The following TEAD1 variants were observed in gnomAD, a reference collection of about 807,000 sequenced individuals.
TEAD1 encodes TEA domain transcription factor 1.
Under a neutral mutation model 54.9 loss-of-function variants are expected in TEAD1, and 9 were observed. The ratio of observed to expected loss-of-function variants is 0.16; its 90% CI spans 0.10 to 0.29. The LOEUF is 0.29. TEAD1 is among the 10% of genes least tolerant of loss of function. TEAD1 has a pLI of 1.00. For missense variants in TEAD1, 387 were observed against 535.9 expected, an observed-to-expected ratio of 0.72 and a Z score of 2.74; for synonymous variants, 200 against 187.8, an observed-to-expected ratio of 1.07 and a Z score of -0.53.
intron 11 of TEAD1, among the ~76,000 whole-genome samples, chr11:12,928,146 C>T (rs1031432633): frequency 3.3e-5 from 5 of 152,184 alleles, no homozygotes; most frequent in Admixed American, 2.0e-4. Context: ...TACATTTCCT[C>T]AATGTGTATG....
intron 2 of TEAD1, among the ~76,000 whole-genome samples, chr11:12,731,723 T>C (rs1367372921): frequency 6.6e-6 from 1 of 152,238 alleles, no homozygotes; most frequent in Non-Finnish European, 1.5e-5. Flanking sequence ...CGAGGTAAAC[T>C]GTTTCCATTA....
intron 12 of TEAD1, among the ~76,000 whole-genome samples, chr11:12,932,991 C>T (rs1473408525): frequency 6.6e-6 from 1 of 152,110 alleles, no homozygotes; most frequent in African/African-American, 2.4e-5. Flanking sequence ...CAGTAACATG[C>T]TATACAGATT....
intron 10 of TEAD1, among the ~76,000 whole-genome samples, chr11:12,920,930 A>G (rs1442565912): frequency 6.6e-6 from 1 of 152,220 alleles, no homozygotes; most frequent in Non-Finnish European, 1.5e-5. Context: ...GTGGCTGTTC[A>G]TTATTTCAAA....
intron 5 of TEAD1, among the ~76,000 whole-genome samples, chr11:12,874,974 C>CA (rs1947826072): frequency 6.6e-6 from 1 of 152,114 alleles, no homozygotes; most frequent in Non-Finnish European, 1.5e-5. Flanking sequence ...TTCTAGGATG[C>CA]AATTTTCTTA....
At chr11:12,908,896 T>TTTTTTTTTTA (rs1948569869) in intron 10 of TEAD1, among the ~76,000 whole-genome samples, 1 of 136,022 alleles carries the variant, frequency 7.4e-6, no homozygotes, top group Non-Finnish European at 1.6e-5. Flanking sequence ...TTTTTTTTTT[T>TTTTTTTTTTA]GAGACAGTGT....
At chr11:12,789,621 A>T (rs1945752752) in intron 3 of TEAD1, among the ~76,000 whole-genome samples, 1 of 152,206 alleles carries the variant, frequency 6.6e-6, no homozygotes, top group Admixed American at 6.5e-5. Context: ...TACACCCGAC[A>T]TCTCCCTCCA....
rs571001360 is a variant in TEAD1 at position 12,813,350 on chromosome 11, A to G, written c.203-48900A>G. ...GAGAGCCACCTTTAAGAGTGCCTCAAGTGAGCCAAATTAGGGGATCGCCGG... is the reference window on the plus strand; with the variant it reads ...GAGAGCCACCTTTAAGAGTGCCTCAGGTGAGCCAAATTAGGGGATCGCCGG... On this transcript the variant is annotated intron_variant, in intron 3 of 12. Transcript: ENST00000527636. Among the ~76,000 whole-genome samples the G allele has an allele frequency of 4.7e-4, 72 of 152,318 alleles. 1 individual carries two copies. The highest frequency in any genetic ancestry group is 1.6e-3 in the Admixed American group (25 of 15,304).
At chr11:12,872,044 G>A (rs1343974644) in intron 5 of TEAD1, among the ~76,000 whole-genome samples, 1 of 152,146 alleles carries the variant, frequency 6.6e-6, no homozygotes, top group Non-Finnish European at 1.5e-5. Flanking sequence ...TTTGATTTCT[G>A]AACAGGCCAT....
At chr11:12,787,562 G>A (rs1945704446) in intron 3 of TEAD1, among the ~76,000 whole-genome samples, 1 of 152,094 alleles carries the variant, frequency 6.6e-6, no homozygotes, top group South Asian at 2.1e-4. Flanking sequence ...AATTTAAATT[G>A]TTCATGAGAG....
intron 3 of TEAD1, among the ~76,000 whole-genome samples, chr11:12,831,138 C>T (rs565063206): frequency 2.6e-4 from 40 of 152,294 alleles, no homozygotes; most frequent in South Asian, 6.2e-4. Context: ...TTCTTTGGTT[C>T]CCATTTCACC....
chr11:12,864,672 C>T, intron 4 of TEAD1, 166 bp from the exon 5 acceptor site: 1 of 1,360,660 alleles, frequency 7.3e-7, no homozygotes. Context: ...CCCTCATAAA[C>T]CCGAACAATG....
In TEAD1 at chr11:12,944,214, C is replaced by T; in HGVS notation, c.*6992C>T. ...CCTGCCTTCGGGTAACTGGGTTCCT[C>T]TTGGGTAGATTGGAGAGATGGGGGT... is the stretch of plus-strand genomic sequence containing the variant. On this transcript the variant is annotated 3_prime_UTR_variant, in exon 13 of 13. Transcript: ENST00000527636. 6.6e-6 allele frequency: 1 copy of T among 152,452 alleles called. No individual in the cohort carries two copies. Among genetic ancestry groups the T allele is most frequent in the Non-Finnish European group, 1.5e-5 (1 of 68,014 alleles). 9.4% of individuals were successfully genotyped at this position (152,452 alleles called of 1,614,324 possible). A position where few individuals can be genotyped will look rare whatever the true frequency, so the allele number is the denominator to read the frequency against.
At chr11:12,690,563 T>G (rs1438974946) in intron 2 of TEAD1, among the ~76,000 whole-genome samples, 1 of 152,212 alleles carries the variant, frequency 6.6e-6, no homozygotes, top group Non-Finnish European at 1.5e-5. Flanking sequence ...AATGGGAAAT[T>G]TAGATGTTGA....
At chr11:12,894,472 T>C (rs1477338287) in intron 9 of TEAD1, among the ~76,000 whole-genome samples, 1 of 152,208 alleles carries the variant, frequency 6.6e-6, no homozygotes, top group African/African-American at 2.4e-5. Context: ...TTGGAAGTTG[T>C]ACTGTTGTGG....
intron 11 of TEAD1, 55 bp from the exon 12 acceptor site, chr11:12,930,119 T>G (rs1948988267): frequency 1.2e-6 from 2 of 1,608,622 alleles, no homozygotes; most frequent in South Asian, 2.2e-5. Context: ...AATATCTGTT[T>G]CATGTGTTTT....
chr11:12,819,693 C>T (rs573843124), intron 3 of TEAD1, among the ~76,000 whole-genome samples: 14 of 152,194 alleles, frequency 9.2e-5, no homozygotes, highest in Non-Finnish European at 1.8e-4. Context: ...CCTTTTGATC[C>T]GCCCGCCTCG....
intron 3 of TEAD1, among the ~76,000 whole-genome samples, chr11:12,839,547 TG>T (rs1946980132): frequency 6.6e-6 from 1 of 152,242 alleles, no homozygotes; most frequent in Non-Finnish European, 1.5e-5. Flanking sequence ...GGTGCTAGGC[TG>T]TGTCCTGGGG....
intron 2 of TEAD1, among the ~76,000 whole-genome samples, chr11:12,746,666 T>A (rs1944750302): frequency 6.6e-6 from 1 of 152,232 alleles, no homozygotes. Flanking sequence ...TGAGCTGCTC[T>A]TTCTCACCTC....
intron 3 of TEAD1, among the ~76,000 whole-genome samples, chr11:12,824,543 C>A (rs1035022097): frequency 1.3e-5 from 2 of 152,158 alleles, no homozygotes; most frequent in Non-Finnish European, 2.9e-5. Context: ...TGTTTCCATC[C>A]GGGAACCAAG....
Sources: gnomAD v4.1 joint callset for allele counts (sites outside exome capture counted in the v4.1 genomes callset) on GRCh38, gnomAD v4.1.1 for gene constraint, MANE v1.5 for transcripts, NCBI Gene and HGNC (gene_info 2026-07-23, HGNC 2026-07-21) for gene names.